KIAA0232: variants seen among roughly 807,000 people sequenced by gnomAD.
KIAA0232 encodes KIAA0232.
A neutral mutation model predicts 122.0 loss-of-function variants in KIAA0232; 27 were observed. That is an observed-to-expected ratio of 0.22 (90% CI 0.16 to 0.31). The LOEUF is 0.31. KIAA0232 is among the 10% of genes least tolerant of loss of function. The probability of loss-of-function intolerance (pLI) is 1.00; values close to 1 mark genes in which losing one functional copy is unlikely to be tolerated. For missense variants in KIAA0232, 1,551 were observed against 1,634.2 expected, an observed-to-expected ratio of 0.95 and a Z score of 0.88; for synonymous variants, 613 against 587.6, an observed-to-expected ratio of 1.04 and a Z score of -0.63.
rs1311558023 is a variant in KIAA0232 at position 6,881,031 on chromosome 4, G to A, written c.*65G>A. The A allele has an allele frequency of 2.5e-6, 3 of 1,183,660 alleles. No individual in the cohort carries two copies. The highest frequency in any genetic ancestry group is 3.3e-6 in the Non-Finnish European group (3 of 901,962). 73.3% of individuals were successfully genotyped at this position (1,183,660 alleles called of 1,614,324 possible). ...GTGATGGAAAATTACTCTTCAGTGAGACCTGTTAATCTAAAACAACAACTT... is the reference window on the plus strand; with the variant it reads ...GTGATGGAAAATTACTCTTCAGTGAAACCTGTTAATCTAAAACAACAACTT... On this transcript the variant is annotated 3_prime_UTR_variant, in exon 10 of 10. Transcript: ENST00000307659.
At chr4:6,879,748 C>A (rs560155672) in intron 9 of KIAA0232, among the ~76,000 whole-genome samples, 1 of 152,098 alleles carries the variant, frequency 6.6e-6, no homozygotes, top group Non-Finnish European at 1.5e-5. Context: ...AGTGTTGGCA[C>A]CTCTGCATGG....
At chr4:6,843,050 A>G (rs1009467878) in intron 4 of KIAA0232, among the ~76,000 whole-genome samples, 1 of 152,184 alleles carries the variant, frequency 6.6e-6, no homozygotes, top group South Asian at 2.1e-4. Context: ...TTTTTAGAAA[A>G]TATTACAATA....
At chr4:6,876,303 C>G (rs1721754287) in intron 8 of KIAA0232, among the ~76,000 whole-genome samples, 2 of 152,182 alleles carry the variant, frequency 1.3e-5, no homozygotes, top group Non-Finnish European at 1.5e-5. Flanking sequence ...TTGTGGAGAG[C>G]ATGGGCCCTG....
rs769506811 is a variant in KIAA0232, at chr4:6,861,884, T to G, written c.1502T>G (p.Ile501Ser). ...LPEDNKYLDD[I>S]HLSELTHFYE... ...GAGGACAATAAATACCTGGATGATA[T>G]TCATCTATCAGAATTAACGCACTTC... The change falls in exon 7 of 10, where the codon ATT becomes AGT. Residue 501 changes from isoleucine to serine, a missense_variant. Physicochemically the swap from Ile to Ser is moderately radical, Grantham distance 142. Around this residue, in one of 5 missense-constraint regions of KIAA0232, gnomAD observed 1,108 missense variants for 1,154.8 expected, o/e 0.96. Coordinates refer to ENST00000307659, the MANE Select transcript of KIAA0232 (RefSeq NM_014743.3). 1 of 1,614,112 alleles carries G rather than the reference T, an allele frequency of 6.2e-7. No individual in the cohort carries two copies. The highest frequency in any genetic ancestry group is 8.5e-7 in the Non-Finnish European group (1 of 1,179,964).
Position 6,814,499 on chromosome 4 carries a change from T to G in KIAA0232, c.-269-9686T>G, listed in dbSNP as rs972361992. On this transcript the variant is annotated intron_variant, in intron 2 of 9. Coordinates refer to ENST00000307659, the MANE Select transcript of KIAA0232 (RefSeq NM_014743.3). ...GTAACAGAACTTGTAATACTAAGCATATAAAAACAATTTGAGTGTGGTAGT... is the reference window on the plus strand; with the variant it reads ...GTAACAGAACTTGTAATACTAAGCAGATAAAAACAATTTGAGTGTGGTAGT... Among the ~76,000 whole-genome samples, 6 of 152,136 alleles carry G rather than the reference T, an allele frequency of 3.9e-5. No individual in the cohort carries two copies. In the South Asian group the frequency reaches 8.3e-4, roughly 21 times the overall value.
At chr4:6,805,471 A>G (rs1394028900) in intron 2 of KIAA0232, among the ~76,000 whole-genome samples, 2 of 152,144 alleles carry the variant, frequency 1.3e-5, no homozygotes, top group Admixed American at 6.5e-5. Context: ...CGTTTTGGAG[A>G]ACTATAATTT....
intron 3 of KIAA0232, among the ~76,000 whole-genome samples, chr4:6,839,683 T>G (rs1401327819): frequency 6.6e-6 from 1 of 151,888 alleles, no homozygotes; most frequent in Non-Finnish European, 1.5e-5. Flanking sequence ...AAGGTCAGAG[T>G]GGGGCAGGCC....
chr4:6,846,829 AATTTT>A (rs973897362), intron 4 of KIAA0232, among the ~76,000 whole-genome samples: 1 of 152,092 alleles, frequency 6.6e-6, no homozygotes, highest in Non-Finnish European at 1.5e-5. Context: ...TATAATGCAC[AATTTT>A]ATTTTGTGTT....
At chr4:6,792,681 G>GTTTTTTTTTTTTTTT (rs58976586) in intron 1 of KIAA0232, among the ~76,000 whole-genome samples, 1 of 124,522 alleles carries the variant, frequency 8.0e-6, no homozygotes. Context: ...ATAGTCTTAG[G>GTTTTTTTTTTTTTTT]TTTTTTTTTT....
Position 6,800,745 on chromosome 4 carries a change from T to C in KIAA0232, c.-353-3778T>C, listed in dbSNP as rs1311571194. 2.6e-5 allele frequency among the ~76,000 whole-genome samples: 4 copies of C among 151,804 alleles called. No homozygotes were observed. The East Asian group carries it at 7.7e-4, about 29-fold the overall frequency. On this transcript the variant is annotated intron_variant, in intron 1 of 9. Coordinates refer to ENST00000307659, the MANE Select transcript of KIAA0232 (RefSeq NM_014743.3). ...ATTATACTTGTTTGAATTCTGTAAATGAAGTAAGCAGAATGGCAGAAATGT... is the reference window on the plus strand; with the variant it reads ...ATTATACTTGTTTGAATTCTGTAAACGAAGTAAGCAGAATGGCAGAAATGT...
intron 3 of KIAA0232, among the ~76,000 whole-genome samples, chr4:6,827,964 A>G (rs748809248): frequency 5.9e-5 from 9 of 152,058 alleles, no homozygotes; most frequent in Non-Finnish European, 1.2e-4. Flanking sequence ...TTTATTTTAT[A>G]TAAACTGCTT....
chr4:6,834,317 T>G (rs760263240), intron 3 of KIAA0232, among the ~76,000 whole-genome samples: 1 of 152,314 alleles, frequency 6.6e-6, no homozygotes, highest in Admixed American at 6.5e-5. Flanking sequence ...ATTGACCATA[T>G]AGGTGCCAGG....
intron 1 of KIAA0232, among the ~76,000 whole-genome samples, chr4:6,796,538 G>T (rs887817787): frequency 6.6e-6 from 1 of 152,176 alleles, no homozygotes; most frequent in Non-Finnish European, 1.5e-5. Context: ...CACCACACCC[G>T]ACCATATTGT....
intron 7 of KIAA0232, among the ~76,000 whole-genome samples, chr4:6,865,194 A>G (rs1032263493): frequency 5.9e-5 from 9 of 152,052 alleles, no homozygotes; most frequent in African/African-American, 2.2e-4. Context: ...ACTTAAGACA[A>G]TAAACTGTTT....
chr4:6,833,359 C>T (rs994495678), intron 3 of KIAA0232, among the ~76,000 whole-genome samples: 1 of 152,072 alleles, frequency 6.6e-6, no homozygotes, highest in African/African-American at 2.4e-5. Flanking sequence ...GAGTATCTTT[C>T]TAGAACCTTC....
In KIAA0232 at chr4:6,861,843, A is replaced by G. The variant is rs1195527504; in HGVS notation, c.1461A>G (p.Ser487=). ...INEDIDLTGT[S]LCSLPEDNKY... is the part of the protein sequence containing the mutation. ...AGGATATTGACCTCACTGGGACCTCATTATGTTCTCTACCAGAGGACAATA... is the reference window on the plus strand; with the variant it reads ...AGGATATTGACCTCACTGGGACCTCGTTATGTTCTCTACCAGAGGACAATA... The change falls in exon 7 of 10, where the codon TCA becomes TCG. Residue 487 remains serine (S), a synonymous_variant. Transcript: ENST00000307659. 1 of 1,614,080 alleles carries G rather than the reference A, an allele frequency of 6.2e-7. No individual in the cohort carries two copies. Among genetic ancestry groups the G allele is most frequent in the South Asian group, 1.1e-5 (1 of 91,070 alleles).
chr4:6,840,076 C>G (rs1304802159), intron 3 of KIAA0232, among the ~76,000 whole-genome samples: 2 of 152,104 alleles, frequency 1.3e-5, no homozygotes, highest in African/African-American at 4.8e-5. Flanking sequence ...AACTAAAAGT[C>G]CAGAAGTTGG....
intron 4 of KIAA0232, among the ~76,000 whole-genome samples, chr4:6,854,111 A>G (rs1353634454): frequency 6.6e-6 from 1 of 152,222 alleles, no homozygotes; most frequent in Non-Finnish European, 1.5e-5. Context: ...CATAGCAAAA[A>G]TTAAAGACAT....
chr4:6,850,958 A>G (rs1720246649), intron 4 of KIAA0232, among the ~76,000 whole-genome samples: 1 of 152,266 alleles, frequency 6.6e-6, no homozygotes, highest in South Asian at 2.1e-4. Context: ...GTGAGCCACC[A>G]TGCTCGGCCG....
Sources: allele counts gnomAD v4.1 joint callset (sites outside exome capture counted in the v4.1 genomes callset), GRCh38; gene constraint gnomAD v4.1.1; regional missense constraint gnomAD v4.1.1; transcripts MANE v1.5; gene names NCBI Gene and HGNC (gene_info 2026-07-23, HGNC 2026-07-21).